WIZ: variants seen among roughly 807,000 people sequenced by gnomAD.
The protein encoded by WIZ is protein Wiz.
In WIZ, 25 loss-of-function variants were observed where a neutral mutation model predicts 140.2. The observed-to-expected ratio is 0.18, with a 90% confidence interval of 0.13 to 0.25. WIZ has a LOEUF of 0.25. WIZ is among the 10% of genes least tolerant of loss of function. The pLI, the probability that WIZ is intolerant of heterozygous loss-of-function variation, is 1.00. For synonymous variants in WIZ, 1,125 were observed against 1,154.3 expected, an observed-to-expected ratio of 0.97 and a Z score of 0.51; for missense variants, 2,231 against 2,632.6, an observed-to-expected ratio of 0.85 and a Z score of 3.34.
At chr19:15,423,393 T>G (rs1968499294) in intron 12 of WIZ, among the ~76,000 whole-genome samples, 158 bp from the exon 13 acceptor site, 1 of 152,090 alleles carries the variant, frequency 6.6e-6, no homozygotes. Flanking sequence ...GCGTTTCCCA[T>G]GGACAGCCAC....
At chr19:15,431,496 G>A (rs917765697) in intron 5 of WIZ, among the ~76,000 whole-genome samples, 6 of 152,346 alleles carry the variant, frequency 3.9e-5, no homozygotes, top group Non-Finnish European at 5.9e-5. Context: ...GGCAGAACTT[G>A]TGAGGGGGAA....
In WIZ at chr19:15,448,192, C is replaced by T. The variant is rs1223843250; in HGVS notation, c.116G>A (p.Gly39Glu). The T allele has an allele frequency of 1.2e-6, 2 of 1,612,938 alleles. No homozygotes were observed. The highest frequency in any genetic ancestry group is 1.7e-6 in the Non-Finnish European group (2 of 1,179,272). The change falls in exon 2 of 13, where the codon GGG (glycine) becomes GAG (glutamate). Residue 39 changes from glycine to glutamate, a missense_variant. By Grantham distance (98) the Gly-to-Glu change is moderately conservative. Coordinates refer to ENST00000673675, the MANE Select transcript of WIZ (RefSeq NM_001371589.1). Reference protein sequence around the residue: ...NIEGGAEAAEGEGGIFRSTRY... With the variant: ...NIEGGAEAAEEEGGIFRSTRY... ...GGTGGACCGGAAGATGCCACCTTCC[C>T]CCTCAGCAGCTTCGGCCCCACCCTC...
Position 15,438,990 on chromosome 19 carries a change from T to C in WIZ, c.2004A>G (p.Val668=), listed in dbSNP as rs1368063158. Residue 668 remains valine (V), a synonymous_variant, in exon 4 of 13, where the codon GTA becomes GTG. Transcript: ENST00000673675. ...KQAFREALQA[V]EATQGQQQQL... ...GCTGCTGCTGCCCCTGGGTGGCCTC[T>C]ACTGCCTGCAGGGCCTCTCGGAATG... The C allele has an allele frequency of 6.8e-7, 1 of 1,474,202 alleles. No homozygotes were observed. Among genetic ancestry groups the C allele is most frequent in the Admixed American group, 2.4e-5 (1 of 41,508 alleles). The allele number at this position is 1,474,202 out of a possible 1,614,324, so 91.3% of individuals were successfully genotyped here.
At chr19:15,425,889 A>T (rs1599654795) in intron 9 of WIZ, 121 bp from the exon 10 acceptor site, 1 of 216,496 alleles carries the variant, frequency 4.6e-6, no homozygotes, top group Non-Finnish European at 8.7e-6. Flanking sequence ...GAGGAGGAGG[A>T]GGAGGAGGAG....
chr19:15,446,973 G>A (rs1466311613), intron 2 of WIZ, among the ~76,000 whole-genome samples: 1 of 152,244 alleles, frequency 6.6e-6, no homozygotes, highest in South Asian at 2.1e-4. Flanking sequence ...GGTTAAGAGT[G>A]AGGGCTGTCA....
chr19:15,429,399 T>C (rs1969073584), intron 7 of WIZ, among the ~76,000 whole-genome samples, 187 bp downstream of exon 7: 1 of 152,160 alleles, frequency 6.6e-6, no homozygotes, highest in Admixed American at 6.5e-5. Flanking sequence ...ACGATCCACA[T>C]CCAAGGCGGC....
chr19:15,427,530 G>A lies in WIZ; in HGVS notation c.3818C>T (p.Ser1273Leu), dbSNP rs1568294606. 2 of 1,604,740 alleles carry A rather than the reference G, an allele frequency of 1.2e-6. No homozygotes were observed. Among genetic ancestry groups the A allele is most frequent in the Admixed American group, 1.7e-5 (1 of 59,858 alleles). Residue 1273 changes from serine (S) to leucine (L), a missense_variant, in exon 9 of 13, where the codon TCA becomes TTA. Ser to Leu is a moderately radical substitution (Grantham distance 145). Around this residue, in one of 15 missense-constraint regions of WIZ, gnomAD observed 141 missense variants for 161.2 expected, o/e 0.87. Coordinates refer to ENST00000673675, the MANE Select transcript of WIZ (RefSeq NM_001371589.1). This position sits in a 1 kb window ranked among gnomAD's most constrained non-coding sequence, Gnocchi z 6.4. The part of the protein sequence containing the change: ...DVEPSPLNLS[S>L]GPEPARDIRC... The stretch of plus-strand genomic sequence containing the variant: ...GATGTCTCGTGCTGGCTCTGGGCCT[G>A]AGGCTGCAGCAGGAGGAGAAAGGGG...
In WIZ at chr19:15,427,594, G is replaced by T; in HGVS notation, c.3815-61C>A. On this transcript the variant is annotated intron_variant, in intron 8 of 12. Transcript: ENST00000673675. The surrounding 1 kb of genome is among the most constrained non-coding windows in gnomAD (Gnocchi z 6.4). Reference sequence around the variant, plus strand: ...GGAACTGCCAGCATGGTCACCTGCAGGAGTGTCCTGGTCGGCTGGGCGTGG... The same window carrying T: ...GGAACTGCCAGCATGGTCACCTGCATGAGTGTCCTGGTCGGCTGGGCGTGG... The T allele has an allele frequency of 2.6e-6, 4 of 1,536,968 alleles. No homozygotes were observed. Among genetic ancestry groups the T allele is most frequent in the African/African-American group, 1.4e-5 (1 of 73,682 alleles).
rs979980207 is a variant in WIZ at position 15,440,479 on chromosome 19, C to T, written c.515G>A (p.Arg172Lys). 4 of 1,535,996 alleles carry T rather than the reference C, an allele frequency of 2.6e-6. No individual in the cohort carries two copies. The highest frequency in any genetic ancestry group is 1.7e-4 in the Middle Eastern group (1 of 6,012). Residue 172 changes from arginine (R) to lysine (K), a missense_variant, in exon 4 of 13, where the codon AGG (arginine) becomes AAG (lysine). Around this residue, in one of 15 missense-constraint regions of WIZ, gnomAD observed 307 missense variants for 294.1 expected, o/e 1.04. Coordinates refer to ENST00000673675, the MANE Select transcript of WIZ (RefSeq NM_001371589.1). This position sits in a 1 kb window ranked among gnomAD's most constrained non-coding sequence, Gnocchi z 6.2. ...RRFLHHRGEP[R>K]LLEKHAQGRP... ...GCCCTGGGCATGTTTCTCCAAAAGC[C>T]TTGGTTCCCCCCGGTGGTGTAAGAA...
At position 15,430,105 on chromosome 19, in the gene WIZ, G is replaced by C. The variant is rs1449857535; in HGVS notation, c.2912-16C>G. 1 of 1,497,736 alleles carries C rather than the reference G, an allele frequency of 6.7e-7. No individual in the cohort carries two copies. Among genetic ancestry groups the C allele is most frequent in the Non-Finnish European group, 8.9e-7 (1 of 1,123,510 alleles). The allele number at this position is 1,497,736 out of a possible 1,614,324, so 92.8% of individuals were successfully genotyped here. ...AGGCTCTGGGCTGAAGGGCAACACA[G>C]AGGCCGGGAGAGCAGGCTGTGAGGC... On this transcript the variant is annotated splice_polypyrimidine_tract_variant and intron_variant, in intron 6 of 12. Coordinates refer to ENST00000673675, the MANE Select transcript of WIZ (RefSeq NM_001371589.1).
rs79944652 is a variant in WIZ, at chr19:15,440,897, C to T, written c.279-182G>A. Among the ~76,000 whole-genome samples the T allele has an allele frequency of 3.6e-3, 544 of 152,108 alleles. 2 individuals carry two copies. Among genetic ancestry groups the T allele is most frequent in the African/African-American group, 0.012 (518 of 41,472 alleles). ...TCCACGTGGATCCTTCCGGACCTAT[C>T]GGGTCAAAAGCCAGGTTCAACTCCT... On this transcript the variant is annotated intron_variant, in intron 3 of 12. Coordinates refer to ENST00000673675, the MANE Select transcript of WIZ (RefSeq NM_001371589.1). The surrounding 1 kb of genome is among the most constrained non-coding windows in gnomAD (Gnocchi z 6.2).
chr19:15,438,449 T>A, intron 4 of WIZ, 129 bp downstream of exon 4: 1 of 1,122,570 alleles, frequency 8.9e-7, no homozygotes, highest in Non-Finnish European at 1.2e-6. Context: ...GCCTTCACTG[T>A]GGCTCTCAAG....
In WIZ at chr19:15,423,207, G is replaced by T. The variant is rs765616950; in HGVS notation, c.5539C>A (p.Leu1847Ile). 11 of 1,613,642 alleles carry T rather than the reference G, an allele frequency of 6.8e-6. No homozygotes were observed. Among genetic ancestry groups the T allele is most frequent in the Non-Finnish European group, 8.5e-6 (10 of 1,179,936 alleles). Residue 1847 changes from leucine (L) to isoleucine (I), a missense_variant, in exon 13 of 13, where the codon CTC becomes ATC. Coordinates refer to ENST00000673675, the MANE Select transcript of WIZ (RefSeq NM_001371589.1). Reference sequence around the variant, plus strand: ...CGCACCCACTCTTCCTGGATGGAGAGGGGGCCCTGGAATTCCACCTCACAG... The same window carrying T: ...CGCACCCACTCTTCCTGGATGGAGATGGGGCCCTGGAATTCCACCTCACAG... ...RFCEVEFQGP[L>I]SIQEEWVRHL...
rs557094557 is a variant in WIZ at position 15,428,362 on chromosome 19, C to T, written c.3562G>A (p.Val1188Met). The change falls in exon 8 of 13, where the codon GTG (valine) becomes ATG (methionine). Residue 1188 changes from valine (V) to methionine (M), a missense_variant. This residue lies in a region of WIZ where 141 missense variants were observed against 161.2 expected (regional missense o/e 0.87). Coordinates refer to ENST00000673675, the MANE Select transcript of WIZ (RefSeq NM_001371589.1). This position sits in a 1 kb window ranked among gnomAD's most constrained non-coding sequence, Gnocchi z 6.4. ...DPDAKGSPID[V>M]LHGLIRRDGV... ...TCCCTCCTGATGAGCCCGTGGAGCA[C>T]GTCTATGGGGGATCCCTTGGCGTCC... The T allele has an allele frequency of 4.6e-6, 7 of 1,535,356 alleles. No homozygotes were observed. The highest frequency in any genetic ancestry group is 3.6e-5 in the South Asian group (3 of 84,024).
At position 15,438,975 on chromosome 19, in the gene WIZ, C is replaced by T; in HGVS notation, c.2019G>A (p.Gly673=). Residue 673 remains glycine (G), a synonymous_variant, in exon 4 of 13, where the codon GGG becomes GGA. Transcript: ENST00000673675. ...EALQAVEATQ[G]QQQQLRGMVP... is the part of the protein sequence containing the mutation. ...CCATCCCTCGGAGCTGCTGCTGCTGCCCCTGGGTGGCCTCTACTGCCTGCA... is the reference window on the plus strand; with the variant it reads ...CCATCCCTCGGAGCTGCTGCTGCTGTCCCTGGGTGGCCTCTACTGCCTGCA... The T allele has an allele frequency of 6.9e-7, 1 of 1,458,372 alleles. No homozygotes were observed. The highest frequency in any genetic ancestry group is 9.0e-7 in the Non-Finnish European group (1 of 1,108,738). 90.3% of individuals were successfully genotyped at this position (1,458,372 alleles called of 1,614,324 possible). A position where few individuals can be genotyped will look rare whatever the true frequency, so the allele number is the denominator to read the frequency against.
In WIZ at chr19:15,428,588, T is replaced by A; in HGVS notation, c.3416-80A>T. On this transcript the variant is annotated intron_variant, in intron 7 of 12. Transcript: ENST00000673675. The surrounding 1 kb of genome is among the most constrained non-coding windows in gnomAD (Gnocchi z 6.4). ...GGGCCTGAGGTAGGAGGGTCTGGTG[T>A]GATTTTTGGCTGCTCAGGCAGTTGG... is the stretch of plus-strand genomic sequence containing the variant. 1 of 1,520,568 alleles carries A rather than the reference T, an allele frequency of 6.6e-7. No homozygotes were observed. The highest frequency in any genetic ancestry group is 1.2e-5 in the South Asian group (1 of 82,776). The allele number at this position is 1,520,568 out of a possible 1,614,324, so 94.2% of individuals were successfully genotyped here.
intron 9 of WIZ, 85 bp downstream of exon 9, chr19:15,426,897 C>G: frequency 4.0e-6 from 6 of 1,496,498 alleles, no homozygotes; most frequent in Non-Finnish European, 5.4e-6. Flanking sequence ...CAATTCAACC[C>G]TAGGCACTCT....
rs779044796 is a variant in WIZ, at chr19:15,438,655, T to C, written c.2339A>G (p.Asn780Ser). The change falls in exon 4 of 13, where the codon AAT (asparagine) becomes AGT (serine). Residue 780 changes from asparagine to serine, a missense_variant. Transcript: ENST00000673675. Reference sequence around the variant, plus strand: ...CTCAGCGGAGATGAAATGGCGCACATTGTAGCTGACGCCCACGCGGTTCAG... The same window carrying C: ...CTCAGCGGAGATGAAATGGCGCACACTGTAGCTGACGCCCACGCGGTTCAG... The part of the protein sequence containing the change: ...GHLNRVGVSY[N>S]VRHFISAEEV... 1.3e-6 allele frequency: 2 copies of C among 1,535,856 alleles called. No individual in the cohort carries two copies. The highest frequency in any genetic ancestry group is 1.4e-5 in the African/African-American group (1 of 73,062).
At chr19:15,438,190 T>TG (rs1969587621) in intron 4 of WIZ, among the ~76,000 whole-genome samples, 1 of 152,158 alleles carries the variant, frequency 6.6e-6, no homozygotes, top group Non-Finnish European at 1.5e-5. Flanking sequence ...CTGGCCAGTG[T>TG]GGGGTGGAGG....
Sources: gnomAD v4.1 joint callset for allele counts (sites outside exome capture counted in the v4.1 genomes callset) on GRCh38, gnomAD v4.1.1 for gene constraint, gnomAD v4.1.1 regional missense constraint, Gnocchi (gnomAD v3.1) non-coding constraint, MANE v1.5 for transcripts, NCBI Gene and HGNC (gene_info 2026-07-23, HGNC 2026-07-21) for gene names.